Variants in NR3C2 observed in about 807,000 individuals in gnomAD.
NR3C2 encodes mineralocorticoid receptor.
NR3C2 carries 15 observed loss-of-function variants against 86.4 expected under a neutral mutation model. That is an observed-to-expected ratio of 0.17 (90% CI 0.12 to 0.27). NR3C2 has a LOEUF of 0.27. Among genes scored for constraint, NR3C2 ranks in the 10% least tolerant of loss-of-function variants. The pLI, the probability that NR3C2 is intolerant of heterozygous loss-of-function variation, is 1.00. For synonymous variants in NR3C2, 458 were observed against 450.5 expected (o/e 1.02, Z -0.21); for missense variants, 960 against 1,195.6 (o/e 0.80, Z 2.91).
chr4:148,403,506 T>A (rs1170478212), intron 2 of NR3C2, among the ~76,000 whole-genome samples: 1 of 152,104 alleles, frequency 6.6e-6, no homozygotes, highest in African/African-American at 2.4e-5. Context: ...GAGAAAAATA[T>A]CTATTTCAAT....
chr4:148,313,026 T>C (rs1024353389), intron 2 of NR3C2, among the ~76,000 whole-genome samples: 4 of 152,148 alleles, frequency 2.6e-5, no homozygotes, highest in Non-Finnish European at 4.4e-5. Flanking sequence ...AGGCAAGAAA[T>C]AGTAAAACAG....
At chr4:148,254,754 A>C (rs576408815) in intron 3 of NR3C2, among the ~76,000 whole-genome samples, 2 of 152,290 alleles carry the variant, frequency 1.3e-5, no homozygotes, top group African/African-American at 2.4e-5. Context: ...TTTCATAAGA[A>C]AGCAGTAAGC....
At chr4:148,119,628 A>C (rs1228899099) in intron 7 of NR3C2, among the ~76,000 whole-genome samples, 1 of 152,180 alleles carries the variant, frequency 6.6e-6, no homozygotes, top group Non-Finnish European at 1.5e-5. Context: ...TCTACTAAAA[A>C]TACAAAAATT....
rs17484245 is a variant in NR3C2, at chr4:148,259,823, G to A, written c.1897+155C>T. ...ATATTGCTTTGTGGAAAATCTCCAG[G>A]TGGTTTTTATACAAGGCACTATTAC... On this transcript the variant is annotated intron_variant, in intron 3 of 8. Coordinates refer to ENST00000358102, the MANE Select transcript of NR3C2 (RefSeq NM_000901.5). 166,571 of 901,370 alleles carry A rather than the reference G, an allele frequency of 0.18. 15,991 individuals are homozygous for A. Among genetic ancestry groups the A allele is most frequent in the Admixed American group, 0.26 (11,120 of 42,130 alleles). The allele number at this position is 901,370 out of a possible 1,614,324, so 55.8% of individuals were successfully genotyped here. A position where few individuals can be genotyped will look rare whatever the true frequency, so the allele number is the denominator to read the frequency against.
At chr4:148,316,207 GTACACACACA>G (rs1303434758) in intron 2 of NR3C2, among the ~76,000 whole-genome samples, 1 of 150,420 alleles carries the variant, frequency 6.6e-6, no homozygotes, top group Non-Finnish European at 1.5e-5. Context: ...CAATGTGTTA[GTACACACACA>G]TACACACACA....
intron 2 of NR3C2, among the ~76,000 whole-genome samples, chr4:148,383,470 C>T (rs1298346838): frequency 6.6e-6 from 1 of 152,098 alleles, no homozygotes; most frequent in Non-Finnish European, 1.5e-5. Flanking sequence ...TTTGAATGTA[C>T]TGTATCTGAA....
At chr4:148,220,227 C>A (rs1560984836) in intron 3 of NR3C2, among the ~76,000 whole-genome samples, 1 of 152,126 alleles carries the variant, frequency 6.6e-6, no homozygotes, top group African/African-American at 2.4e-5. Flanking sequence ...ACTGAGACCA[C>A]AGGCACGCAC....
intron 2 of NR3C2, among the ~76,000 whole-genome samples, chr4:148,407,456 T>C (rs1006819006): frequency 6.6e-6 from 1 of 152,014 alleles, no homozygotes; most frequent in Non-Finnish European, 1.5e-5. Context: ...TTCTCAAACA[T>C]ATAATTAGTT....
intron 8 of NR3C2, among the ~76,000 whole-genome samples, chr4:148,083,751 G>A (rs555516821): frequency 7.2e-5 from 11 of 151,928 alleles, no homozygotes; most frequent in Non-Finnish European, 1.0e-4. Flanking sequence ...TGAGCTAAAG[G>A]AGCAATGCAA....
intron 8 of NR3C2, among the ~76,000 whole-genome samples, chr4:148,107,022 C>T (rs545247839): frequency 4.5e-4 from 69 of 152,238 alleles, no homozygotes; most frequent in African/African-American, 1.4e-3. Flanking sequence ...GATTTAATCA[C>T]GCTAAAGAGC....
chr4:148,129,102 T>A (rs979488983), intron 6 of NR3C2, among the ~76,000 whole-genome samples: 2 of 152,158 alleles, frequency 1.3e-5, no homozygotes, highest in East Asian at 3.9e-4. Flanking sequence ...TTATTCACAA[T>A]AGGCAAAAGA....
intron 6 of NR3C2, among the ~76,000 whole-genome samples, chr4:148,140,270 C>T (rs757790209): frequency 9.8e-5 from 15 of 152,286 alleles, no homozygotes; most frequent in Middle Eastern, 3.4e-3. Context: ...CTTGGGGGCC[C>T]GAGGTGGAGA....
chr4:148,116,593 G>T (rs947381199), intron 7 of NR3C2, among the ~76,000 whole-genome samples: 1 of 152,204 alleles, frequency 6.6e-6, no homozygotes, highest in Non-Finnish European at 1.5e-5. Context: ...TTCCTGAGAT[G>T]AAAAATTTTC....
chr4:148,272,949 C>G (rs955802651), intron 2 of NR3C2, among the ~76,000 whole-genome samples: 2 of 152,216 alleles, frequency 1.3e-5, no homozygotes, highest in Non-Finnish European at 2.9e-5. Flanking sequence ...CTGTTTCTTT[C>G]GTTTTAACTG....
In NR3C2 at chr4:148,173,029, T is replaced by A. The variant is rs190032480; in HGVS notation, c.2015-18128A>T. Among the ~76,000 whole-genome samples the A allele has an allele frequency of 2.3e-3, 348 of 152,282 alleles. 6 individuals are homozygous for A. Among genetic ancestry groups the A allele is most frequent in the Admixed American group, 3.0e-3 (46 of 15,300 alleles). On this transcript the variant is annotated intron_variant, in intron 4 of 8. Coordinates refer to ENST00000358102, the MANE Select transcript of NR3C2 (RefSeq NM_000901.5). Reference sequence around the variant, plus strand: ...GAGGTGATGAGTTGATTACAGAGATTTATTAGCACAGCGGGGGAATATGTA... The same window carrying A: ...GAGGTGATGAGTTGATTACAGAGATATATTAGCACAGCGGGGGAATATGTA...
At chr4:148,258,162 C>T (rs1436263022) in intron 3 of NR3C2, among the ~76,000 whole-genome samples, 1 of 152,200 alleles carries the variant, frequency 6.6e-6, no homozygotes, top group Non-Finnish European at 1.5e-5. Context: ...TGGCCAACTG[C>T]CTGCTCCAAA....
At chr4:148,299,386 G>T (rs1742218557) in intron 2 of NR3C2, among the ~76,000 whole-genome samples, 1 of 152,162 alleles carries the variant, frequency 6.6e-6, no homozygotes, top group South Asian at 2.1e-4. Context: ...TGGGGGGTTA[G>T]AAATGTCGGC....
At chr4:148,288,906 G>A (rs1270764462) in intron 2 of NR3C2, among the ~76,000 whole-genome samples, 3 of 152,126 alleles carry the variant, frequency 2.0e-5, no homozygotes, top group African/African-American at 7.2e-5. Context: ...AGTGCTAAAG[G>A]AATGTTTGGA....
intron 2 of NR3C2, among the ~76,000 whole-genome samples, chr4:148,326,625 A>G (rs1743984244): frequency 1.3e-5 from 2 of 152,054 alleles, no homozygotes; most frequent in African/African-American, 4.8e-5. Flanking sequence ...GTCAATCTTT[A>G]AAAGTCCAAC....
Sources: gnomAD v4.1 joint callset for allele counts (sites outside exome capture counted in the v4.1 genomes callset) on GRCh38, gnomAD v4.1.1 for gene constraint, MANE v1.5 for transcripts, NCBI Gene and HGNC (gene_info 2026-07-23, HGNC 2026-07-21) for gene names.